ADGRV1: variants seen among roughly 807,000 people sequenced by gnomAD.
ADGRV1 encodes the protein G-protein coupled receptor 98.
In ADGRV1, 359 loss-of-function variants were observed where a neutral mutation model predicts 596.2. That is an observed-to-expected ratio of 0.60 (90% CI 0.55 to 0.66). ADGRV1 has a LOEUF of 0.66. ADGRV1 is among the 30% of genes least tolerant of loss of function. The pLI is 0.00. For synonymous variants in ADGRV1, 2,681 were observed against 2,679.2 expected (o/e 1.00, Z -0.02); for missense variants, 7,274 against 7,575.6 (o/e 0.96, Z 1.48).
intron 22 of ADGRV1, 36 bp from the exon 23 acceptor site, chr5:90,674,018 T>G: frequency 6.7e-7 from 1 of 1,483,988 alleles, no homozygotes; most frequent in Non-Finnish European, 9.3e-7. Flanking sequence ...TCTAAATGCC[T>G]CATTGCTTAG....
At chr5:90,805,150 C>T (rs1439984838) in intron 71 of ADGRV1, 134 bp from the exon 72 acceptor site, 1 of 501,582 alleles carries the variant, frequency 2.0e-6, no homozygotes, top group East Asian at 3.4e-5. Context: ...ATTTCTTAAG[C>T]ACTTCTCTTT....
Position 90,757,026 on chromosome 5 carries a change from C to A in ADGRV1, c.11805C>A (p.Asn3935Lys). 1 of 1,613,632 alleles carries A rather than the reference C, an allele frequency of 6.2e-7. No individual in the cohort carries two copies. The highest frequency in any genetic ancestry group is 2.2e-5 in the East Asian group (1 of 44,880). Residue 3935 changes from asparagine to lysine, a missense_variant, in exon 57 of 90, where the codon AAC becomes AAA. Transcript: ENST00000405460. ...CCTATGAGGTGCCTCCACCCTTGAA[C>A]GTTCTTCAAGTTCCTGTAGTCCGGC... ...ITAYEVPPPL[N>K]VLQVPVVRLA...
intron 83 of ADGRV1, among the ~76,000 whole-genome samples, chr5:90,941,209 C>T (rs1479076876): frequency 1.3e-5 from 2 of 151,260 alleles, no homozygotes; most frequent in African/African-American, 2.4e-5. Context: ...TATCTAGTTA[C>T]AATATTGTAG....
chr5:91,079,395 GT>G (rs1333802905), intron 86 of ADGRV1, among the ~76,000 whole-genome samples: 3 of 152,090 alleles, frequency 2.0e-5, no homozygotes, highest in African/African-American at 7.2e-5. Context: ...CTCTGCTTAG[GT>G]TTTTGATCTC....
chr5:90,996,242 A>C (rs1367234911), intron 85 of ADGRV1, among the ~76,000 whole-genome samples: 1 of 152,156 alleles, frequency 6.6e-6, no homozygotes, highest in South Asian at 2.1e-4. Flanking sequence ...CTGGGAGGGA[A>C]AAATGGTTTT....
chr5:90,946,896 G>A (rs916226940), intron 83 of ADGRV1, among the ~76,000 whole-genome samples: 15 of 152,126 alleles, frequency 9.9e-5, no homozygotes, highest in Admixed American at 2.6e-4. Context: ...CCATGTCTTC[G>A]CAATTGTGAA....
intron 1 of ADGRV1, among the ~76,000 whole-genome samples, chr5:90,561,593 A>G (rs554417707): frequency 1.3e-5 from 2 of 152,324 alleles, no homozygotes; most frequent in South Asian, 4.1e-4. Context: ...TTTCTCTTAT[A>G]TAGTATCTAT....
chr5:90,847,700 G>A (rs796116146), intron 78 of ADGRV1, among the ~76,000 whole-genome samples: 5 of 152,172 alleles, frequency 3.3e-5, no homozygotes, highest in South Asian at 2.1e-4. Flanking sequence ...AGTCGAGCAC[G>A]GCAGCTGCTG....
intron 85 of ADGRV1, chr5:91,030,983 T>TTTATATGTCA: frequency 1.5e-6 from 2 of 1,365,842 alleles, no homozygotes; most frequent in South Asian, 3.5e-5. Context: ...GTCGACTGAT[T>TTTATATGTCA]TTATATGTCA....
At chr5:91,086,838 A>T (rs1222719526) in intron 86 of ADGRV1, among the ~76,000 whole-genome samples, 1 of 152,178 alleles carries the variant, frequency 6.6e-6, no homozygotes, top group Non-Finnish European at 1.5e-5. Flanking sequence ...AGTTTAAGCT[A>T]TGTGAATATG....
At chr5:90,762,057 C>G (rs1756570109) in intron 58 of ADGRV1, among the ~76,000 whole-genome samples, 1 of 152,138 alleles carries the variant, frequency 6.6e-6, no homozygotes, top group African/African-American at 2.4e-5. Context: ...TCAAAATTAA[C>G]AAGCTGTTCA....
chr5:90,903,846 C>G (rs141901233), intron 83 of ADGRV1, among the ~76,000 whole-genome samples: 14 of 152,056 alleles, frequency 9.2e-5, no homozygotes, highest in African/African-American at 3.1e-4. Flanking sequence ...GTTGTGCTGT[C>G]AAATACTAGG....
chr5:90,716,208 T>C (rs1750088695), intron 42 of ADGRV1, among the ~76,000 whole-genome samples: 1 of 152,208 alleles, frequency 6.6e-6, no homozygotes. Flanking sequence ...TTGATATTTG[T>C]TGTTGACTTC....
chr5:90,683,683 C>G lies in ADGRV1; in HGVS notation c.5762C>G (p.Thr1921Arg), dbSNP rs1216792395. Residue 1921 changes from threonine to arginine, a missense_variant, in exon 28 of 90, where the codon ACA becomes AGA. By Grantham distance (71) the Thr-to-Arg change is moderately conservative. Around this residue, in one of 5 missense-constraint regions of ADGRV1, gnomAD observed 3,643 missense variants for 3,809.2 expected, o/e 0.96. Coordinates refer to ENST00000405460, the MANE Select transcript of ADGRV1 (RefSeq NM_032119.4). ...CTCGCCTTCACCTCTGGCAACATCA[C>G]ATTTGAGATTGGGCAGACGAGCGCC... ...GDLAFTSGNI[T>R]FEIGQTSANI... 6.2e-7 allele frequency: 1 copy of G among 1,613,866 alleles called. No individual in the cohort carries two copies. Among genetic ancestry groups the G allele is most frequent in the Admixed American group, 1.7e-5 (1 of 59,998 alleles).
intron 87 of ADGRV1, among the ~76,000 whole-genome samples, chr5:91,132,051 T>C (rs1043516783): frequency 3.9e-5 from 6 of 152,174 alleles, no homozygotes; most frequent in African/African-American, 1.4e-4. Context: ...ATTGAATAGA[T>C]ATGCTTCCCC....
chr5:91,150,013 T>TC lies in ADGRV1; in HGVS notation c.18433-17_18433-16insC, dbSNP rs5869534. ...TTTTTCTTTTTCTTTTCTTTTCTTT[T>TC]TTTTTTTTTTTTGCAGGGACTTTAT... On this transcript the variant is annotated splice_polypyrimidine_tract_variant and intron_variant, in intron 87 of 89. Transcript: ENST00000405460. The TC allele has an allele frequency of 0.095, 78,596 of 823,606 alleles. 130 individuals carry two copies. Among genetic ancestry groups the TC allele is most frequent in the Admixed American group, 0.12 (1,970 of 16,020 alleles). 51.0% of individuals were successfully genotyped at this position (823,606 alleles called of 1,614,324 possible). A position where few individuals can be genotyped will look rare whatever the true frequency, so the allele number is the denominator to read the frequency against.
At chr5:90,926,129 G>A (rs1046827658) in intron 83 of ADGRV1, among the ~76,000 whole-genome samples, 1 of 147,592 alleles carries the variant, frequency 6.8e-6, no homozygotes, top group Non-Finnish European at 1.5e-5. Context: ...TTTGGTATCA[G>A]AATGATGCTG....
chr5:90,854,126 A>G lies in ADGRV1; in HGVS notation c.17519A>G (p.Tyr5840Cys), dbSNP rs1028102425. ...QLLTNDNEVL[Y>C]RIYAAEPRII... ...CTGACTAATGACAATGAGGTTCTCT[A>G]CAGGATTTATGCTGCTGAGCCTAGA... Residue 5840 changes from tyrosine to cysteine, a missense_variant, in exon 81 of 90, where the codon TAC becomes TGC. Tyr to Cys is a radical substitution (Grantham distance 194). Coordinates refer to ENST00000405460, the MANE Select transcript of ADGRV1 (RefSeq NM_032119.4). 7.6e-6 allele frequency: 12 copies of G among 1,576,582 alleles called. No individual in the cohort carries two copies. The highest frequency in any genetic ancestry group is 3.6e-5 in the Admixed American group (2 of 55,086).
chr5:90,571,046 T>C (rs1395811809), intron 1 of ADGRV1, among the ~76,000 whole-genome samples: 4 of 152,146 alleles, frequency 2.6e-5, no homozygotes, highest in African/African-American at 9.7e-5. Flanking sequence ...GTTCAGATTC[T>C]CCCTCTTCCT....
Sources: gnomAD v4.1 joint callset for allele counts (sites outside exome capture counted in the v4.1 genomes callset) on GRCh38, gnomAD v4.1.1 for gene constraint, gnomAD v4.1.1 regional missense constraint, MANE v1.5 for transcripts, NCBI Gene and HGNC (gene_info 2026-07-23, HGNC 2026-07-21) for gene names.